The following STON2 variants were observed in gnomAD, a reference collection of about 807,000 sequenced individuals.
STON2 encodes the protein stonin-2.
A neutral mutation model predicts 65.7 loss-of-function variants in STON2; 29 were observed. The ratio of observed to expected loss-of-function variants is 0.44; its 90% confidence interval spans 0.33 to 0.60. The LOEUF is 0.60. STON2 is among the 20% of genes least tolerant of loss of function. The probability of loss-of-function intolerance (pLI) is 0.03; values close to 1 mark genes in which losing one functional copy is unlikely to be tolerated. For synonymous variants in STON2, 404 were observed against 414.2 expected, an observed-to-expected ratio of 0.98 and a Z score of 0.30; for missense variants, 1,054 against 1,118.1, an observed-to-expected ratio of 0.94 and a Z score of 0.82.
intron 7 of STON2, chr14:81,269,714 T>TA: frequency 2.0e-6 from 2 of 985,136 alleles, no homozygotes; most frequent in Non-Finnish European, 2.4e-6. Flanking sequence ...GATATTATTA[T>TA]AAATAGAAAA....
intron 4 of STON2, among the ~76,000 whole-genome samples, chr14:81,347,473 C>T (rs1190199658): frequency 6.6e-6 from 1 of 151,956 alleles, no homozygotes; most frequent in African/African-American, 2.4e-5. Flanking sequence ...GATGGCTTTA[C>T]ATTGAATTCT....
intron 2 of STON2, among the ~76,000 whole-genome samples, chr14:81,408,193 T>C (rs957312226): frequency 5.3e-5 from 8 of 151,348 alleles, no homozygotes; most frequent in Non-Finnish European, 1.2e-4. Context: ...ATAGGTACCT[T>C]GATGCTCCTA....
At chr14:81,336,866 T>G (rs1220551622) in intron 4 of STON2, among the ~76,000 whole-genome samples, 1 of 152,178 alleles carries the variant, frequency 6.6e-6, no homozygotes, top group Non-Finnish European at 1.5e-5. Flanking sequence ...AGAGAGGCTT[T>G]AACCTCAGAT....
At chr14:81,431,702 C>T (rs1014748839) in intron 1 of STON2, among the ~76,000 whole-genome samples, 2 of 151,440 alleles carry the variant, frequency 1.3e-5, no homozygotes, top group Admixed American at 6.6e-5. Flanking sequence ...TGCTTGAACC[C>T]GGGAGCCGGA....
intron 4 of STON2, among the ~76,000 whole-genome samples, chr14:81,332,448 T>C (rs575387508): frequency 6.6e-6 from 1 of 152,314 alleles, no homozygotes; most frequent in Admixed American, 6.5e-5. Flanking sequence ...TTTATTTTAC[T>C]TCTACTCTTT....
chr14:81,346,399 C>A (rs73339726), intron 4 of STON2, among the ~76,000 whole-genome samples: 3 of 151,992 alleles, frequency 2.0e-5, no homozygotes, highest in East Asian at 1.9e-4. Flanking sequence ...GGCCTTCCCC[C>A]AAAGGACTTT....
At chr14:81,321,696 AT>A (rs1385477126) in intron 5 of STON2, among the ~76,000 whole-genome samples, 3 of 152,228 alleles carry the variant, frequency 2.0e-5, no homozygotes, top group African/African-American at 7.2e-5. Context: ...GTTGCATTCA[AT>A]TTGCTTCATG....
rs910937054 is a variant in STON2 at position 81,260,944 on chromosome 14, AATTT to A, written c.*7466_*7469del. 17 of 152,324 alleles carry A rather than the reference AATTT, an allele frequency of 1.1e-4. No homozygotes were observed. Among genetic ancestry groups the A allele is most frequent in the African/African-American group, 3.8e-4 (16 of 41,572 alleles). 9.4% of individuals were successfully genotyped at this position (152,324 alleles called of 1,614,324 possible). A position where few individuals can be genotyped will look rare whatever the true frequency, so the allele number is the denominator to read the frequency against. On this transcript the variant is annotated 3_prime_UTR_variant, in exon 8 of 8. Coordinates refer to ENST00000614646, the MANE Select transcript of STON2 (RefSeq NM_001394390.1). The stretch of plus-strand genomic sequence containing the variant: ...GGGTTCATCCATCCTGACGCACTGA[AATTT>A]ATTACAGACATTACAAGAATGGAGG...
rs549377722 is a variant in STON2 at position 81,267,916 on chromosome 14, G to A, written c.*498C>T. 679 of 985,610 alleles carry A rather than the reference G, an allele frequency of 6.9e-4. 3 individuals carry two copies. The Middle Eastern group carries it at 0.013, about 18-fold the overall frequency. 61.1% of individuals were successfully genotyped at this position (985,610 alleles called of 1,614,324 possible). A position where few individuals can be genotyped will look rare whatever the true frequency, so the allele number is the denominator to read the frequency against. The stretch of plus-strand genomic sequence containing the variant: ...AAAAAGGTCTAGTAAGACCCAAAGA[G>A]GAAATTTGTTTTGCACCTTTTCTGA... On this transcript the variant is annotated 3_prime_UTR_variant, in exon 8 of 8. Coordinates refer to ENST00000614646, the MANE Select transcript of STON2 (RefSeq NM_001394390.1).
At chr14:81,350,831 G>C (rs978649955) in intron 4 of STON2, among the ~76,000 whole-genome samples, 45 of 152,164 alleles carry the variant, frequency 3.0e-4, no homozygotes, top group African/African-American at 1.0e-3. Context: ...ACCATGGCTT[G>C]AGCACTTGAT....
At chr14:81,300,301 C>T (rs1895923001) in intron 5 of STON2, among the ~76,000 whole-genome samples, 1 of 151,774 alleles carries the variant, frequency 6.6e-6, no homozygotes, top group Admixed American at 6.6e-5. Flanking sequence ...TGAAAGGGAT[C>T]ACAGATCTAC....
At chr14:81,313,957 C>G (rs1896530532) in intron 5 of STON2, among the ~76,000 whole-genome samples, 1 of 152,108 alleles carries the variant, frequency 6.6e-6, no homozygotes, top group African/African-American at 2.4e-5. Context: ...AGGAAGGCTT[C>G]CCTGATGAAG....
At chr14:81,425,695 T>A (rs147787337) in intron 2 of STON2, among the ~76,000 whole-genome samples, 1 of 152,186 alleles carries the variant, frequency 6.6e-6, no homozygotes, top group African/African-American at 2.4e-5. Context: ...AACACTGTCA[T>A]CCAGTGGTAT....
At chr14:81,370,296 CA>C (rs1446367865) in intron 4 of STON2, among the ~76,000 whole-genome samples, 2 of 152,116 alleles carry the variant, frequency 1.3e-5, no homozygotes, top group Non-Finnish European at 2.9e-5. Context: ...GTCAAATAAC[CA>C]AAACACCAAG....
rs748303868 is a variant in STON2 at position 81,277,770 on chromosome 14, G to A, written c.1712C>T (p.Pro571Leu). 7 of 1,613,982 alleles carry A rather than the reference G, an allele frequency of 4.3e-6. No homozygotes were observed. In the Admixed American group the frequency reaches 1.2e-4, roughly 27 times the overall value. ...VTYKEKKKYQ[P>L]KPAVAHTAER... ...TGCTGTGTGGGCCACAGCAGGTTTG[G>A]GCTGGTATTTCTTCTTCTCTTTATA... Residue 571 changes from proline to leucine, a missense_variant, in exon 6 of 8, where the codon CCC (proline) becomes CTC (leucine). Physicochemically the swap from Pro to Leu is moderately conservative, Grantham distance 98 (BLOSUM62 -3). Transcript: ENST00000614646.
Position 81,277,468 on chromosome 14 carries a change from G to A in STON2, c.2014C>T (p.Leu672Phe), listed in dbSNP as rs149985092. The change falls in exon 6 of 8, where the codon CTC becomes TTC. Residue 672 changes from leucine to phenylalanine, a missense_variant. Transcript: ENST00000614646. ...LSGLAECRLG[L>F]NDILVKGNEI... ...TTCCCTTTGACGAGGATGTCATTGA[G>A]GCCCAGGCGGCACTCTGCGAGCCCA... The A allele has an allele frequency of 9.9e-6, 16 of 1,614,042 alleles. No homozygotes were observed. The African/African-American group carries it at 2.0e-4, about 20-fold the overall frequency.
intron 6 of STON2, among the ~76,000 whole-genome samples, chr14:81,275,282 T>C (rs929849836): frequency 6.6e-6 from 1 of 152,276 alleles, no homozygotes; most frequent in African/African-American, 2.4e-5. Flanking sequence ...TTGTGTCTAT[T>C]TGGCTTCATC....
intron 4 of STON2, among the ~76,000 whole-genome samples, chr14:81,355,798 GCTCT>G (rs1163847687): frequency 6.6e-6 from 1 of 151,908 alleles, no homozygotes; most frequent in Non-Finnish European, 1.5e-5. Context: ...TCATGATTTG[GCTCT>G]CTGTTTGTCT....
intron 1 of STON2, among the ~76,000 whole-genome samples, chr14:81,399,259 T>C (rs374121564): frequency 2.2e-4 from 33 of 152,348 alleles, no homozygotes; most frequent in African/African-American, 7.0e-4. Flanking sequence ...AGATTCTTAA[T>C]TGACATAATT....
Sources: gnomAD v4.1 joint callset for allele counts (sites outside exome capture counted in the v4.1 genomes callset) on GRCh38, gnomAD v4.1.1 for gene constraint, MANE v1.5 for transcripts, NCBI Gene and HGNC (gene_info 2026-07-23, HGNC 2026-07-21) for gene names.